The following EYS variants were observed in gnomAD, a reference collection of about 807,000 sequenced individuals.
The protein encoded by EYS is protein eyes shut homolog.
A neutral mutation model predicts 282.1 loss-of-function variants in EYS; 250 were observed. The ratio of observed to expected loss-of-function variants is 0.89; its 90% CI spans 0.80 to 0.98. The LOEUF is 0.98. Among genes scored for constraint, EYS ranks in the 50% least tolerant of loss-of-function variants. The pLI, the probability that EYS is intolerant of heterozygous loss-of-function variation, is 0.00. For synonymous variants in EYS, 1,355 were observed against 1,282.9 expected (o/e 1.06, Z -1.20); for missense variants, 4,016 against 3,709.0 (o/e 1.08, Z -2.15).
At chr6:64,116,597 G>A (rs555967277) in intron 31 of EYS, among the ~76,000 whole-genome samples, 97 of 152,186 alleles carry the variant, frequency 6.4e-4, no homozygotes, top group African/African-American at 2.3e-3. Context: ...GTAGATAAAT[G>A]GGTAAGAAGA....
intron 14 of EYS, among the ~76,000 whole-genome samples, chr6:64,949,540 G>C (rs1247078224): frequency 6.6e-6 from 1 of 151,748 alleles, no homozygotes; most frequent in Non-Finnish European, 1.5e-5. Flanking sequence ...TTTGTTAAAG[G>C]CCCATTTAAT....
chr6:64,851,591 G>T (rs1041889189), intron 19 of EYS, among the ~76,000 whole-genome samples: 1 of 151,934 alleles, frequency 6.6e-6, no homozygotes, highest in Non-Finnish European at 1.5e-5. Context: ...CTGGATAAAG[G>T]ATACACCATG....
chr6:63,864,551 C>T (rs1161596496), intron 35 of EYS, among the ~76,000 whole-genome samples, 193 bp from the exon 36 acceptor site: 1 of 152,166 alleles, frequency 6.6e-6, no homozygotes, highest in East Asian at 1.9e-4. Flanking sequence ...CCACTGAAAG[C>T]AGATTAATAG....
intron 22 of EYS, among the ~76,000 whole-genome samples, chr6:64,700,159 A>G (rs554784386): frequency 6.6e-6 from 1 of 152,214 alleles, no homozygotes; most frequent in South Asian, 2.1e-4. Flanking sequence ...TAGATGCAGA[A>G]CAAGCATTTG....
intron 14 of EYS, among the ~76,000 whole-genome samples, chr6:64,971,729 G>T (rs1770300877): frequency 6.6e-6 from 1 of 152,062 alleles, no homozygotes; most frequent in African/African-American, 2.4e-5. Context: ...CTACATAGGG[G>T]ATCATAAGAA....
At chr6:64,775,454 T>C (rs1773649691) in intron 22 of EYS, among the ~76,000 whole-genome samples, 1 of 152,014 alleles carries the variant, frequency 6.6e-6, no homozygotes, top group South Asian at 2.1e-4. Flanking sequence ...GTTATTAAAT[T>C]TTAGGAGCTT....
intron 2 of EYS, among the ~76,000 whole-genome samples, chr6:65,527,702 C>T (rs2127304445): frequency 6.6e-6 from 1 of 152,288 alleles, no homozygotes; most frequent in Non-Finnish European, 1.5e-5. Context: ...CACTGTTACT[C>T]AGGGAGACCG....
intron 12 of EYS, among the ~76,000 whole-genome samples, chr6:65,069,713 A>T (rs1299323511): frequency 6.6e-6 from 1 of 151,844 alleles, no homozygotes; most frequent in Admixed American, 6.6e-5. Context: ...CATACATTAT[A>T]CTGGTTTTAA....
intron 15 of EYS, among the ~76,000 whole-genome samples, chr6:64,923,981 C>T (rs1283808847): frequency 6.6e-6 from 1 of 152,158 alleles, no homozygotes; most frequent in African/African-American, 2.4e-5. Flanking sequence ...GGATAGTGGC[C>T]CTCTTCTCAC....
intron 12 of EYS, among the ~76,000 whole-genome samples, chr6:65,193,342 T>G (rs1408864259): frequency 6.6e-6 from 1 of 151,880 alleles, no homozygotes; most frequent in African/African-American, 2.4e-5. Context: ...CAGTTTACTG[T>G]AATGCCTCTT....
intron 26 of EYS, among the ~76,000 whole-genome samples, chr6:64,532,606 G>A (rs1764385460): frequency 1.3e-5 from 2 of 152,116 alleles, no homozygotes; most frequent in Non-Finnish European, 2.9e-5. Context: ...CTACTCGGGA[G>A]GCTGAGGCAG....
chr6:65,253,474 C>A (rs1242407321), intron 12 of EYS, among the ~76,000 whole-genome samples: 1 of 151,760 alleles, frequency 6.6e-6, no homozygotes, highest in South Asian at 2.1e-4. Flanking sequence ...TGTTTTATGA[C>A]CTAGCAGAAA....
intron 12 of EYS, among the ~76,000 whole-genome samples, chr6:65,224,766 A>G (rs1052885276): frequency 1.3e-5 from 2 of 152,176 alleles, no homozygotes; most frequent in Non-Finnish European, 2.9e-5. Flanking sequence ...AGGATTTATA[A>G]GAATACTAAG....
chr6:65,315,231 T>A (rs1769267208), intron 11 of EYS, among the ~76,000 whole-genome samples: 1 of 152,250 alleles, frequency 6.6e-6, no homozygotes, highest in Admixed American at 6.5e-5. Flanking sequence ...TCTAATTTTA[T>A]TTGTCTTTTT....
chr6:64,704,107 C>T (rs6911088), intron 22 of EYS, among the ~76,000 whole-genome samples: 113,558 of 151,588 alleles, frequency 0.75, 43,712 homozygotes, highest in Non-Finnish European at 0.85. Context: ...AAAAATATTT[C>T]GCAATAACAA....
At chr6:64,289,738 A>T (rs771093769) in intron 30 of EYS, among the ~76,000 whole-genome samples, 33 of 152,078 alleles carry the variant, frequency 2.2e-4, no homozygotes, top group Non-Finnish European at 3.8e-4. Context: ...GTCAATATAT[A>T]TTTACTGTGA....
chr6:64,711,056 A>G (rs1771196969), intron 22 of EYS, among the ~76,000 whole-genome samples: 1 of 152,212 alleles, frequency 6.6e-6, no homozygotes, highest in Non-Finnish European at 1.5e-5. Context: ...CAGAAAATAC[A>G]ATTTTCTGAC....
intron 12 of EYS, among the ~76,000 whole-genome samples, chr6:65,092,829 T>G (rs1294230846): frequency 1.3e-5 from 2 of 152,112 alleles, no homozygotes; most frequent in Non-Finnish European, 2.9e-5. Flanking sequence ...TAAGGTTCTT[T>G]TGAGAAACCA....
At chr6:64,552,728 C>G (rs1322091667) in intron 26 of EYS, among the ~76,000 whole-genome samples, 2 of 151,680 alleles carry the variant, frequency 1.3e-5, no homozygotes, top group Admixed American at 1.3e-4. Flanking sequence ...GCCTGGCCAA[C>G]ATGGTGAACC....
Sources: allele counts gnomAD v4.1 joint callset (sites outside exome capture counted in the v4.1 genomes callset), GRCh38; gene constraint gnomAD v4.1.1; transcripts MANE v1.5; gene names NCBI Gene and HGNC (gene_info 2026-07-23, HGNC 2026-07-21).